LPXN: variants seen among roughly 807,000 people sequenced by gnomAD.
LPXN encodes the protein leupaxin.
A neutral mutation model predicts 45.6 loss-of-function variants in LPXN; 28 were observed. That is an observed-to-expected ratio of 0.61 (90% confidence interval 0.45 to 0.84). The LOEUF (loss-of-function observed/expected upper bound fraction) is 0.84, where lower values mean the gene tolerates loss of function less well. Among genes scored for constraint, LPXN ranks in the 40% least tolerant of loss-of-function variants. The pLI, the probability that LPXN is intolerant of heterozygous loss-of-function variation, is 0.00. For missense variants in LPXN, 459 were observed against 475.0 expected (o/e 0.97, Z 0.31); for synonymous variants, 166 against 169.9 (o/e 0.98, Z 0.18).
intron 3 of LPXN, among the ~76,000 whole-genome samples, chr11:58,556,119 G>C (rs1246992997): frequency 2.0e-5 from 3 of 151,924 alleles, no homozygotes; most frequent in Middle Eastern, 3.2e-3. Context: ...TGTGTGAAGA[G>C]AGAAGGTTAA....
At chr11:58,576,282 T>C (rs1219021275), upstream of LPXN, among the ~76,000 whole-genome samples, 1 of 152,158 alleles carries the variant, frequency 6.6e-6, no homozygotes, top group Non-Finnish European at 1.5e-5. Context: ...GTCTTATTTA[T>C]TCAGAAATTA....
intron 6 of LPXN, 26 bp downstream of exon 6, chr11:58,549,947 C>T: frequency 1.2e-6 from 2 of 1,613,898 alleles, no homozygotes; most frequent in Non-Finnish European, 1.7e-6. Context: ...TGACTGAAAG[C>T]TGGAGAGGAG....
At chr11:58,532,726 G>A (rs963941284) in intron 7 of LPXN, among the ~76,000 whole-genome samples, 1 of 152,204 alleles carries the variant, frequency 6.6e-6, no homozygotes, top group African/African-American at 2.4e-5. Flanking sequence ...TCAGCTCTCT[G>A]TAAAATGCAC....
intron 1 of LPXN, among the ~76,000 whole-genome samples, chr11:58,573,432 C>G (rs947176046): frequency 4.6e-5 from 7 of 152,068 alleles, no homozygotes; most frequent in African/African-American, 1.7e-4. Context: ...CTAAGCTTTG[C>G]TCTAACTAGA....
intron 7 of LPXN, among the ~76,000 whole-genome samples, chr11:58,533,777 C>T (rs1853466992): frequency 6.6e-6 from 1 of 151,868 alleles, no homozygotes; most frequent in Non-Finnish European, 1.5e-5. Context: ...TCAGGAGACC[C>T]ATCTCACATG....
intron 7 of LPXN, among the ~76,000 whole-genome samples, chr11:58,534,193 C>G (rs371013514): frequency 1.3e-5 from 2 of 152,204 alleles, no homozygotes; most frequent in Non-Finnish European, 2.9e-5. Context: ...ATCTATACAA[C>G]TCTCCACCCG....
chr11:58,572,208 T>TA (rs886625005), intron 1 of LPXN, among the ~76,000 whole-genome samples: 104 of 146,526 alleles, frequency 7.1e-4, no homozygotes, highest in East Asian at 7.9e-4. Context: ...CACAGGTCAT[T>TA]AAAAAAAAAA....
intron 2 of LPXN, among the ~76,000 whole-genome samples, chr11:58,569,240 C>T (rs1854609122): frequency 6.6e-6 from 1 of 152,216 alleles, no homozygotes; most frequent in Non-Finnish European, 1.5e-5. Flanking sequence ...ATTCATCTTA[C>T]ACTAATTCCA....
At chr11:58,528,843 T>C (rs1392601318) in intron 7 of LPXN, among the ~76,000 whole-genome samples, 2 of 152,230 alleles carry the variant, frequency 1.3e-5, no homozygotes, top group Non-Finnish European at 2.9e-5. Flanking sequence ...TCCTCCTTTT[T>C]TTATTTTTTG....
Position 58,554,877 on chromosome 11 carries a change from A to G in LPXN, c.282T>C (p.Asp94=). Residue 94 remains aspartate, a synonymous_variant, in exon 4 of 9, where the codon GAT becomes GAC. Coordinates refer to ENST00000395074, the MANE Select transcript of LPXN (RefSeq NM_004811.3). ...TCTCAGTCAGGTGAGCCATGAGCTC[A>G]TCCAACTGAGCAGCTGCTGACGTTT... ...PSKTSAAAQL[D]ELMAHLTEMQ... is the part of the protein sequence containing the mutation. 1 of 1,612,524 alleles carries G rather than the reference A, an allele frequency of 6.2e-7. No homozygotes were observed. Among genetic ancestry groups the G allele is most frequent in the Non-Finnish European group, 8.5e-7 (1 of 1,178,608 alleles).
At chr11:58,533,813 A>G (rs1853468074) in intron 7 of LPXN, among the ~76,000 whole-genome samples, 2 of 152,190 alleles carry the variant, frequency 1.3e-5, no homozygotes, top group Admixed American at 1.3e-4. Context: ...GCTCAAAATA[A>G]AGGGATGAAG....
chr11:58,561,569 T>G (rs920086663), intron 3 of LPXN, among the ~76,000 whole-genome samples: 1 of 152,222 alleles, frequency 6.6e-6, no homozygotes, highest in Non-Finnish European at 1.5e-5. Context: ...TCAGTCATAA[T>G]CCTTTCGTAG....
upstream of LPXN, chr11:58,576,006 A>G: frequency 7.5e-7 from 1 of 1,332,084 alleles, no homozygotes; most frequent in Non-Finnish European, 9.8e-7. Flanking sequence ...GTAGATAGTA[A>G]GATTTGCATT....
chr11:58,556,803 A>T (rs944945951), intron 3 of LPXN, among the ~76,000 whole-genome samples: 4 of 152,198 alleles, frequency 2.6e-5, no homozygotes, highest in Non-Finnish European at 5.9e-5. Context: ...AATATATTTA[A>T]CAAGAAATGT....
chr11:58,559,636 G>GCAA (rs1854312446), intron 3 of LPXN, among the ~76,000 whole-genome samples: 1 of 152,144 alleles, frequency 6.6e-6, no homozygotes, highest in African/African-American at 2.4e-5. Flanking sequence ...AGCACTTCAG[G>GCAA]AGGCTGAGGT....
intron 7 of LPXN, among the ~76,000 whole-genome samples, chr11:58,532,921 C>T (rs112589491): frequency 0.018 from 2,693 of 152,152 alleles, 88 homozygotes; most frequent in African/African-American, 0.061. Flanking sequence ...ACACTCACCG[C>T]GAAGGTCTGC....
chr11:58,528,101 A>G lies in LPXN; in HGVS notation c.833T>C (p.Leu278Ser). Reference sequence around the variant, plus strand: ...GTCCATGGCTGAAAGGTAGTTTTCCAACACTGGGCGATTGCAGCCACCACA... The same window carrying G: ...GTCCATGGCTGAAAGGTAGTTTTCCGACACTGGGCGATTGCAGCCACCACA... ...PKCGGCNRPV[L>S]ENYLSAMDTV... The change falls in exon 8 of 9, where the codon TTG becomes TCG. Residue 278 changes from leucine (L) to serine (S), a missense_variant. Coordinates refer to ENST00000395074, the MANE Select transcript of LPXN (RefSeq NM_004811.3). 1.9e-6 allele frequency: 3 copies of G among 1,614,250 alleles called. No individual in the cohort carries two copies. The highest frequency in any genetic ancestry group is 1.7e-6 in the Non-Finnish European group (2 of 1,180,042).
rs182240610 is a variant in LPXN at position 58,550,154 on chromosome 11, G to A, written c.487-8C>T. The A allele has an allele frequency of 1.9e-4, 301 of 1,609,990 alleles. No homozygotes were observed. The highest frequency in any genetic ancestry group is 2.4e-4 in the Non-Finnish European group (278 of 1,176,426). On this transcript the variant is annotated splice_polypyrimidine_tract_variant and splice_region_variant and intron_variant, in intron 5 of 8. Transcript: ENST00000395074. ...CCCTAGAGCATGGATCACCTGTGGA[G>A]TGAAATAAAGCCTGACACAGGAGGC...
chr11:58,537,133 C>A (rs903917851), intron 7 of LPXN, among the ~76,000 whole-genome samples: 3 of 152,294 alleles, frequency 2.0e-5, no homozygotes, highest in African/African-American at 7.2e-5. Flanking sequence ...ACCAGGAATA[C>A]CATTTGACTC....
Sources: allele counts gnomAD v4.1 joint callset (sites outside exome capture counted in the v4.1 genomes callset), GRCh38; gene constraint gnomAD v4.1.1; transcripts MANE v1.5; gene names NCBI Gene and HGNC (gene_info 2026-07-23, HGNC 2026-07-21).